APP: variants seen among roughly 807,000 people sequenced by gnomAD.
APP encodes amyloid beta precursor protein.
A neutral mutation model predicts 101.4 loss-of-function variants in APP; 31 were observed. The ratio of observed to expected loss-of-function variants is 0.31; its 90% CI spans 0.23 to 0.41. The LOEUF (loss-of-function observed/expected upper bound fraction) is 0.41, where lower values mean the gene tolerates loss of function less well. Ranked by LOEUF, APP falls within the 10% of genes least tolerant of loss-of-function variation. APP has a pLI of 1.00. For synonymous variants in APP, 366 were observed against 364.4 expected, an observed-to-expected ratio of 1.00 and a Z score of -0.05; for missense variants, 839 against 1,003.7, an observed-to-expected ratio of 0.84 and a Z score of 2.22.
At position 25,975,059 on chromosome 21, in the gene APP, G is replaced by GC. The variant is rs1568791773; in HGVS notation, c.1458+10dup. The GC allele has an allele frequency of 1.2e-6, 2 of 1,613,368 alleles. No individual in the cohort carries two copies. The highest frequency in any genetic ancestry group is 1.7e-6 in the Non-Finnish European group (2 of 1,179,860). On this transcript the variant is annotated intron_variant, in intron 11 of 17. Transcript: ENST00000346798. Reference sequence around the variant, plus strand: ...GACCTGAAGTGTGAACTCGGCTGCAGCGAGACCTACCCGAGGAGGAACAGC... The same window carrying GC: ...GACCTGAAGTGTGAACTCGGCTGCAGCCGAGACCTACCCGAGGAGGAACAGC...
chr21:26,039,302 ATAAG>A (rs1246784400), intron 5 of APP, among the ~76,000 whole-genome samples: 1 of 152,264 alleles, frequency 6.6e-6, no homozygotes, highest in African/African-American at 2.4e-5. Context: ...TGGTTTGACA[ATAAG>A]TAACAGCTCT....
At chr21:25,925,876 C>T (rs2039873543) in intron 13 of APP, among the ~76,000 whole-genome samples, 1 of 152,200 alleles carries the variant, frequency 6.6e-6, no homozygotes, top group Non-Finnish European at 1.5e-5. Flanking sequence ...GTGGAGGCTG[C>T]AGTGAGCCGA....
At chr21:25,885,588 C>T (rs138016014) in intron 17 of APP, among the ~76,000 whole-genome samples, 3 of 152,312 alleles carry the variant, frequency 2.0e-5, no homozygotes, top group South Asian at 2.1e-4. Flanking sequence ...AGGAAATGAT[C>T]TGAGGTCTTC....
intron 2 of APP, among the ~76,000 whole-genome samples, chr21:26,098,036 C>A (rs1046568245): frequency 4.3e-5 from 6 of 139,168 alleles, no homozygotes; most frequent in Middle Eastern, 3.7e-3. Flanking sequence ...GCCGAGATCG[C>A]GCCACTGCAC....
chr21:26,132,523 T>A (rs1363291066), intron 1 of APP, among the ~76,000 whole-genome samples: 1 of 151,928 alleles, frequency 6.6e-6, no homozygotes, highest in Non-Finnish European at 1.5e-5. Context: ...CCTCTACCTT[T>A]AAAAAAAAGT....
At chr21:25,924,666 G>GA (rs929222528) in intron 13 of APP, among the ~76,000 whole-genome samples, 1 of 50 alleles carries the variant, frequency 0.02, no homozygotes, top group African/African-American at 0.083. Flanking sequence ...AATGCATGCG[G>GA]AGTTAAAACC....
At chr21:26,126,237 A>G (rs894331653) in intron 1 of APP, among the ~76,000 whole-genome samples, 9 of 152,264 alleles carry the variant, frequency 5.9e-5, no homozygotes, top group Admixed American at 6.5e-5. Flanking sequence ...TGTTGTTCAT[A>G]GCATGTAATT....
intron 12 of APP, 99 bp from the exon 13 acceptor site, chr21:25,954,788 T>A: frequency 1.0e-6 from 1 of 990,856 alleles, no homozygotes; most frequent in Non-Finnish European, 1.5e-6. Context: ...GGAGTCTCGC[T>A]CTGTCGCCCA....
chr21:26,001,382 C>T (rs536778774), intron 6 of APP, among the ~76,000 whole-genome samples: 1 of 152,344 alleles, frequency 6.6e-6, no homozygotes, highest in African/African-American at 2.4e-5. Flanking sequence ...TTGTGCCCTG[C>T]CCTTGCTAGA....
Position 26,144,910 on chromosome 21 carries a change from A to G in APP, c.57+25654T>C, listed in dbSNP as rs141641647. ...TAATTTATGCTTCCAGTACTTTCAA[A>G]AGCAAGTTTTGATATAAGAATCAGT... On this transcript the variant is annotated intron_variant, in intron 1 of 17. Coordinates refer to ENST00000346798, the MANE Select transcript of APP (RefSeq NM_000484.4). Among the ~76,000 whole-genome samples, 873 of 152,334 alleles carry G rather than the reference A, an allele frequency of 5.7e-3. 11 individuals are homozygous for G. Among genetic ancestry groups the G allele is most frequent in the African/African-American group, 0.02 (832 of 41,586 alleles).
At chr21:25,930,690 T>A (rs745918748) in intron 13 of APP, among the ~76,000 whole-genome samples, 30 of 152,322 alleles carry the variant, frequency 2.0e-4, no homozygotes, top group Admixed American at 3.3e-4. Context: ...AATGTTTATT[T>A]ATGCAGATTT....
chr21:26,039,706 G>T (rs112219311), intron 5 of APP, among the ~76,000 whole-genome samples: 1 of 152,258 alleles, frequency 6.6e-6, no homozygotes, highest in African/African-American at 2.4e-5. Context: ...TCAAATGTCT[G>T]ACAACACAAT....
At chr21:26,111,316 T>C (rs969440997) in intron 2 of APP, among the ~76,000 whole-genome samples, 4 of 151,996 alleles carry the variant, frequency 2.6e-5, no homozygotes, top group African/African-American at 9.7e-5. Flanking sequence ...CAAACTATAA[T>C]AGAATACAAA....
chr21:26,170,633 CG>C lies in APP; in HGVS notation c.-14del, dbSNP rs1291180958. ...AACCGGGCAGCATCGCGACCCTGCG[CG>C]GGGCACCGAGTGCGCTGCTGTGCGA... On this transcript the variant is annotated 5_prime_UTR_variant, in exon 1 of 18. Transcript: ENST00000346798. 1.3e-6 allele frequency: 2 copies of C among 1,533,142 alleles called. No individual in the cohort carries two copies. The highest frequency in any genetic ancestry group is 1.7e-6 in the Non-Finnish European group (2 of 1,144,654). The allele number at this position is 1,533,142 out of a possible 1,614,324, so 95.0% of individuals were successfully genotyped here.
At chr21:25,894,069 G>C (rs1020065668) in intron 16 of APP, among the ~76,000 whole-genome samples, 4 of 152,196 alleles carry the variant, frequency 2.6e-5, no homozygotes, top group Admixed American at 6.5e-5. Flanking sequence ...AACAAAACTG[G>C]GATGACAGCA....
intron 9 of APP, among the ~76,000 whole-genome samples, chr21:25,980,659 C>T (rs2042394072): frequency 9.9e-5 from 1 of 10,066 alleles, no homozygotes; most frequent in African/African-American, 4.7e-4. Flanking sequence ...CATCTTAAGG[C>T]AAAACAAACA....
chr21:25,955,995 C>A (rs2041303302), intron 11 of APP, among the ~76,000 whole-genome samples: 1 of 152,152 alleles, frequency 6.6e-6, no homozygotes, highest in African/African-American at 2.4e-5. Context: ...TGATGACTGT[C>A]CTCCTTACTC....
chr21:26,127,245 A>G (rs2146260850), intron 1 of APP, among the ~76,000 whole-genome samples: 1 of 152,288 alleles, frequency 6.6e-6, no homozygotes, highest in African/African-American at 2.4e-5. Flanking sequence ...AAAGTTCACC[A>G]GGAAGCAAGA....
At chr21:25,995,691 C>A (rs1440864288) in intron 8 of APP, among the ~76,000 whole-genome samples, 1 of 152,218 alleles carries the variant, frequency 6.6e-6, no homozygotes, top group Non-Finnish European at 1.5e-5. Context: ...AGTCTGTCAA[C>A]CCACTTGCTG....
Sources: gnomAD v4.1 joint callset for allele counts (sites outside exome capture counted in the v4.1 genomes callset) on GRCh38, gnomAD v4.1.1 for gene constraint, MANE v1.5 for transcripts, NCBI Gene and HGNC (gene_info 2026-07-23, HGNC 2026-07-21) for gene names.